Variants in VAPB observed in about 807,000 individuals in gnomAD.
VAPB encodes the protein VAMP associated protein B and C, also known as vesicle-associated membrane protein-associated protein B/C.
VAPB carries 7 observed loss-of-function variants against 25.6 expected under a neutral mutation model. That is an observed-to-expected ratio of 0.27 (90% CI 0.16 to 0.51). The LOEUF (loss-of-function observed/expected upper bound fraction) is 0.51. Among genes scored for constraint, VAPB ranks in the 20% least tolerant of loss-of-function variants. VAPB has a pLI of 0.97. For synonymous variants in VAPB, 112 were observed against 109.2 expected, an observed-to-expected ratio of 1.03 and a Z score of -0.16; for missense variants, 266 against 301.3, an observed-to-expected ratio of 0.88 and a Z score of 0.87.
chr20:58,441,109 A>G (rs369549233), intron 5 of VAPB, 26 bp downstream of exon 5: 65 of 1,611,564 alleles, frequency 4.0e-5, no homozygotes, highest in Non-Finnish European at 5.5e-5. Flanking sequence ...CTGGTAATCT[A>G]CAGAAAACAA....
intron 1 of VAPB, among the ~76,000 whole-genome samples, chr20:58,395,819 G>C (rs146190185): frequency 6.6e-6 from 1 of 152,218 alleles, no homozygotes; most frequent in Non-Finnish European, 1.5e-5. Context: ...TGACAGATGT[G>C]GGCAGCTGGC....
At chr20:58,418,846 C>T (rs1354156622) in intron 2 of VAPB, among the ~76,000 whole-genome samples, 5 of 152,242 alleles carry the variant, frequency 3.3e-5, no homozygotes, top group East Asian at 1.9e-4. Flanking sequence ...GATTGTGAAA[C>T]GCCAAGAGAG....
chr20:58,446,797 A>G lies in VAPB; in HGVS notation c.*2562A>G. On this transcript the variant is annotated 3_prime_UTR_variant, in exon 6 of 6. Transcript: ENST00000475243. ...GGGAAGGTTGATTATTTTCTCAGTC[A>G]TCCTGGCAGCCAAAAATGTGCCAGG... 4.4e-6 allele frequency: 2 copies of G among 454,008 alleles called. No homozygotes were observed. The highest frequency in any genetic ancestry group is 1.6e-5 in the South Asian group (1 of 64,482). 28.1% of individuals were successfully genotyped at this position (454,008 alleles called of 1,614,324 possible). A position where few individuals can be genotyped will look rare whatever the true frequency, so the allele number is the denominator to read the frequency against.
In VAPB at chr20:58,447,870, A is replaced by T. The variant is rs1326922979; in HGVS notation, c.*3635A>T. ...TTGTAGTTTGAGAAATACATGTATG[A>T]AGAGATAGGGGTCTTGGGCTTCCCA... is the stretch of plus-strand genomic sequence containing the variant. On this transcript the variant is annotated 3_prime_UTR_variant, in exon 6 of 6. Coordinates refer to ENST00000475243, the MANE Select transcript of VAPB (RefSeq NM_004738.5). 1.3e-5 allele frequency: 6 copies of T among 453,950 alleles called. 1 individual carries two copies. The highest frequency in any genetic ancestry group is 9.3e-5 in the South Asian group (6 of 64,464). 28.1% of individuals were successfully genotyped at this position (453,950 alleles called of 1,614,324 possible).
intron 2 of VAPB, among the ~76,000 whole-genome samples, chr20:58,426,671 A>ACCT (rs1185965265): frequency 2.0e-5 from 3 of 152,144 alleles, no homozygotes; most frequent in Non-Finnish European, 4.4e-5. Flanking sequence ...CTCTTATAGG[A>ACCT]GGTTTTTGAT....
rs1225692453 is a variant in VAPB at position 58,444,194 on chromosome 20, T to C, written c.691T>C (p.Phe231Leu). ...STRLLALVVLFFIVGVIIGKI... is the reference protein window; with the variant it reads ...STRLLALVVLLFIVGVIIGKI... ...CCGGCTCTTGGCTCTGGTGGTTTTGTTCTTTATCGTTGGTGTAATTATTGG... is the reference window on the plus strand; with the variant it reads ...CCGGCTCTTGGCTCTGGTGGTTTTGCTCTTTATCGTTGGTGTAATTATTGG... Residue 231 changes from phenylalanine (F) to leucine (L), a missense_variant, in exon 6 of 6, where the codon TTC (phenylalanine) becomes CTC (leucine). Physicochemically the swap from Phe to Leu is conservative, Grantham distance 22. Transcript: ENST00000475243. 14 of 1,614,108 alleles carry C rather than the reference T, an allele frequency of 8.7e-6. No individual in the cohort carries two copies. Among genetic ancestry groups the C allele is most frequent in the African/African-American group, 1.3e-5 (1 of 74,922 alleles).
At position 58,405,912 on chromosome 20, in the gene VAPB, C is replaced by T. The variant is rs1988219294; in HGVS notation, c.59-12299C>T. Among the ~76,000 whole-genome samples the T allele has an allele frequency of 2.0e-5, 3 of 151,846 alleles. 1 individual carries two copies. In the South Asian group the frequency reaches 6.2e-4, roughly 32 times the overall value. ...GGGACTACAGGCATGTGCCACCACG[C>T]CTAAGTAATTTTTGTATCTTTAGTG... On this transcript the variant is annotated intron_variant, in intron 1 of 5. Coordinates refer to ENST00000475243, the MANE Select transcript of VAPB (RefSeq NM_004738.5).
At chr20:58,397,180 A>T (rs758152719) in intron 1 of VAPB, among the ~76,000 whole-genome samples, 6 of 152,226 alleles carry the variant, frequency 3.9e-5, no homozygotes, top group African/African-American at 1.4e-4. Flanking sequence ...TCTTGTGAAT[A>T]TTCACTTTTA....
chr20:58,414,364 C>T lies in VAPB; in HGVS notation c.59-3847C>T, dbSNP rs1047661251. Among the ~76,000 whole-genome samples the T allele has an allele frequency of 2.0e-5, 3 of 150,136 alleles. No individual in the cohort carries two copies. In the East Asian group the frequency reaches 6.0e-4, roughly 30 times the overall value. ...CCTCCCGGACGGGGCGGCCGCCGGG[C>T]GGAGACGCCCCCCACCTCCCAGACG... On this transcript the variant is annotated intron_variant, in intron 1 of 5. Transcript: ENST00000475243.
intron 1 of VAPB, among the ~76,000 whole-genome samples, chr20:58,399,855 C>G (rs1482868619): frequency 6.6e-6 from 1 of 152,140 alleles, no homozygotes; most frequent in Non-Finnish European, 1.5e-5. Context: ...TGTACCTTCC[C>G]TTCCACCACC....
chr20:58,430,010 C>A (rs1988890966), intron 2 of VAPB, among the ~76,000 whole-genome samples: 1 of 109,676 alleles, frequency 9.1e-6, no homozygotes, highest in African/African-American at 3.2e-5. Context: ...GAGTTGTAGG[C>A]CAGCCTGGAC....
chr20:58,416,931 G>C (rs939845557), intron 1 of VAPB, among the ~76,000 whole-genome samples: 3 of 152,150 alleles, frequency 2.0e-5, no homozygotes, highest in African/African-American at 7.2e-5. Flanking sequence ...GATGGATAAG[G>C]TATAATCCTT....
chr20:58,415,494 C>G (rs1988517368), intron 1 of VAPB, among the ~76,000 whole-genome samples: 1 of 152,132 alleles, frequency 6.6e-6, no homozygotes, highest in Non-Finnish European at 1.5e-5. Flanking sequence ...ATTTTAGATG[C>G]TTAGTTCCTG....
rs938625102 is a variant in VAPB at position 58,444,731 on chromosome 20, T to A, written c.*496T>A. ...CTTCAGTTCTGTCCAAGCCATCAGCTCCTTGGGACTGATGAACAGAGTCAG... is the reference window on the plus strand; with the variant it reads ...CTTCAGTTCTGTCCAAGCCATCAGCACCTTGGGACTGATGAACAGAGTCAG... On this transcript the variant is annotated 3_prime_UTR_variant, in exon 6 of 6. Transcript: ENST00000475243. 9 of 454,526 alleles carry A rather than the reference T, an allele frequency of 2.0e-5. No individual in the cohort carries two copies. Among genetic ancestry groups the A allele is most frequent in the African/African-American group, 1.8e-4 (9 of 50,134 alleles). 28.2% of individuals were successfully genotyped at this position (454,526 alleles called of 1,614,324 possible).
In VAPB at chr20:58,447,820, C is replaced by T. The variant is rs1263369561; in HGVS notation, c.*3585C>T. Reference sequence around the variant, plus strand: ...TGTTATATGTCATTTTCAGCTCCTTCTCTAAAGGAATGGCCCATTTCTCAT... The same window carrying T: ...TGTTATATGTCATTTTCAGCTCCTTTTCTAAAGGAATGGCCCATTTCTCAT... On this transcript the variant is annotated 3_prime_UTR_variant, in exon 6 of 6. Transcript: ENST00000475243. 2 of 454,092 alleles carry T rather than the reference C, an allele frequency of 4.4e-6. No individual in the cohort carries two copies. Among genetic ancestry groups the T allele is most frequent in the Non-Finnish European group, 8.8e-6 (2 of 226,796 alleles). The allele number at this position is 454,092 out of a possible 1,614,324, so 28.1% of individuals were successfully genotyped here. A position where few individuals can be genotyped will look rare whatever the true frequency, so the allele number is the denominator to read the frequency against.
In VAPB at chr20:58,418,307, A is replaced by G; in HGVS notation, c.155A>G (p.Tyr52Cys). The G allele has an allele frequency of 6.2e-7, 1 of 1,614,198 alleles. No individual in the cohort carries two copies. ...FKVKTTAPRR[Y>C]CVRPNSGIID... ...GTGAAGACTACAGCACCACGTAGGT[A>G]CTGTGTGAGGCCCAACAGCGGAATC... The change falls in exon 2 of 6, where the codon TAC becomes TGC. Residue 52 changes from tyrosine (Y) to cysteine (C), a missense_variant. By Grantham distance (194) the Tyr-to-Cys change is radical (BLOSUM62 -2). Around this residue, in one of 3 missense-constraint regions of VAPB, gnomAD observed 98 missense variants for 147.1 expected, o/e 0.67. Transcript: ENST00000475243.
In VAPB at chr20:58,447,802, T is replaced by A; in HGVS notation, c.*3567T>A. On this transcript the variant is annotated 3_prime_UTR_variant, in exon 6 of 6. Coordinates refer to ENST00000475243, the MANE Select transcript of VAPB (RefSeq NM_004738.5). ...ATCCATGCCAAAATACAATGTTATA[T>A]GTCATTTTCAGCTCCTTCTCTAAAG... 2.2e-6 allele frequency: 1 copy of A among 454,146 alleles called. No homozygotes were observed. The highest frequency in any genetic ancestry group is 1.6e-5 in the South Asian group (1 of 64,482). The allele number at this position is 454,146 out of a possible 1,614,324, so 28.1% of individuals were successfully genotyped here.
Position 58,440,938 on chromosome 20 carries a change from C to T in VAPB, c.428C>T (p.Thr143Ile). The T allele has an allele frequency of 6.2e-7, 1 of 1,613,958 alleles. No individual in the cohort carries two copies. Residue 143 changes from threonine to isoleucine, a missense_variant, in exon 5 of 6, where the codon ACA (threonine) becomes ATA (isoleucine). Thr to Ile is a moderately conservative substitution (Grantham distance 89). Coordinates refer to ENST00000475243, the MANE Select transcript of VAPB (RefSeq NM_004738.5). The part of the protein sequence containing the change: ...HDVEINKIIS[T>I]TASKTETPIV... ...GTAGAAATAAATAAAATTATATCCA[C>T]AACTGCATCAAAGACAGAAACACCA...
chr20:58,413,355 C>T (rs6026250), intron 1 of VAPB, among the ~76,000 whole-genome samples: 1 of 151,490 alleles, frequency 6.6e-6, no homozygotes, highest in Non-Finnish European at 1.5e-5. Context: ...TGACTCTTAA[C>T]GAGCATGCTG....
Sources: gnomAD v4.1 joint callset for allele counts (sites outside exome capture counted in the v4.1 genomes callset) on GRCh38, gnomAD v4.1.1 for gene constraint, gnomAD v4.1.1 regional missense constraint, MANE v1.5 for transcripts, NCBI Gene and HGNC (gene_info 2026-07-23, HGNC 2026-07-21) for gene names.